Variants in TTC17 observed in about 807,000 individuals in gnomAD.
The protein encoded by TTC17 is tetratricopeptide repeat protein 17.
TTC17 carries 58 observed loss-of-function variants against 143.8 expected under a neutral mutation model. That is an observed-to-expected ratio of 0.40 (90% CI 0.33 to 0.50). The LOEUF is 0.50. Among genes scored for constraint, TTC17 ranks in the 20% least tolerant of loss-of-function variants. The probability of loss-of-function intolerance (pLI) is 0.49; values close to 1 mark genes in which losing one functional copy is unlikely to be tolerated. For missense variants in TTC17, 1,273 were observed against 1,392.5 expected, an observed-to-expected ratio of 0.91 and a Z score of 1.37; for synonymous variants, 501 against 497.8, an observed-to-expected ratio of 1.01 and a Z score of -0.09.
In TTC17 at chr11:43,404,164, C is replaced by T. The variant is rs755887857; in HGVS notation, c.1479+20C>T. 32 of 1,587,644 alleles carry T rather than the reference C, an allele frequency of 2.0e-5. No homozygotes were observed. The highest frequency in any genetic ancestry group is 1.1e-4 in the Admixed American group (6 of 54,392). On this transcript the variant is annotated intron_variant, in intron 11 of 23. Coordinates refer to ENST00000039989, the MANE Select transcript of TTC17 (RefSeq NM_018259.6). ...TATAGGGTAAGTTAATAGAGGATGA[C>T]GAAGCAGTTTTCTCAAACTGGCAAG...
At chr11:43,382,018 G>A (rs1378657578) in intron 2 of TTC17, among the ~76,000 whole-genome samples, 1 of 152,138 alleles carries the variant, frequency 6.6e-6, no homozygotes, top group Non-Finnish European at 1.5e-5. Flanking sequence ...AAAGATGCAG[G>A]CTCAAGATAG....
intron 21 of TTC17, among the ~76,000 whole-genome samples, chr11:43,477,051 A>G (rs934077425): frequency 3.9e-5 from 6 of 152,150 alleles, no homozygotes; most frequent in Non-Finnish European, 7.3e-5. Flanking sequence ...ACCCTAAATC[A>G]TCTCTCTCAA....
Position 43,405,779 on chromosome 11 carries a change from G to A in TTC17, c.1596-7G>A. 16 of 1,611,764 alleles carry A rather than the reference G, an allele frequency of 9.9e-6. No homozygotes were observed. Among genetic ancestry groups the A allele is most frequent in the Admixed American group, 1.7e-5 (1 of 59,366 alleles). On this transcript the variant is annotated splice_region_variant and splice_polypyrimidine_tract_variant and intron_variant, in intron 12 of 23. Transcript: ENST00000039989. The stretch of plus-strand genomic sequence containing the variant: ...AATATGAATCTTGTTCCTTTTTCTT[G>A]TGCCAGGATCCACGAACTCAGCAGT...
At chr11:43,401,305 C>A in intron 9 of TTC17, 141 bp from the exon 10 acceptor site, 2 of 507,248 alleles carry the variant, frequency 3.9e-6, no homozygotes, top group Non-Finnish European at 3.5e-6. Flanking sequence ...ATGAATATTT[C>A]TCTATATAAG....
At chr11:43,365,203 T>C (rs973625766) in intron 1 of TTC17, among the ~76,000 whole-genome samples, 1 of 152,110 alleles carries the variant, frequency 6.6e-6, no homozygotes, top group Non-Finnish European at 1.5e-5. Flanking sequence ...TAGGCTCAAG[T>C]GATCTTCCCA....
At chr11:43,471,201 G>A (rs1347847816) in intron 21 of TTC17, among the ~76,000 whole-genome samples, 1 of 152,174 alleles carries the variant, frequency 6.6e-6, no homozygotes, top group Non-Finnish European at 1.5e-5. Context: ...CATTGCCACT[G>A]CACCAGCTTG....
intron 15 of TTC17, among the ~76,000 whole-genome samples, chr11:43,410,648 T>G (rs994603163): frequency 6.6e-6 from 1 of 152,200 alleles, no homozygotes; most frequent in African/African-American, 2.4e-5. Flanking sequence ...TGCCCTGAAC[T>G]CCAGACTCCT....
intron 7 of TTC17, 73 bp from the exon 8 acceptor site, chr11:43,397,901 C>CGTGTGTGTGTGTGTGTGT: frequency 1.6e-6 from 2 of 1,252,094 alleles, no homozygotes; most frequent in South Asian, 1.7e-5. Flanking sequence ...TTTTTTTTTC[C>CGTGTGTGTGTGTGTGTGT]GTGTGTGTGT....
At chr11:43,459,533 G>C (rs554291487) in intron 21 of TTC17, among the ~76,000 whole-genome samples, 8 of 152,216 alleles carry the variant, frequency 5.3e-5, no homozygotes, top group Non-Finnish European at 1.2e-4. Flanking sequence ...CCACCAGAGA[G>C]AAGCCACACC....
chr11:43,462,089 T>TA (rs35082706), intron 21 of TTC17, among the ~76,000 whole-genome samples: 24,938 of 124,740 alleles, frequency 0.2, 2,367 homozygotes, highest in Admixed American at 0.32. Context: ...TAGGCTAGAT[T>TA]AAAAAAAAAA....
At chr11:43,405,980 G>C in intron 13 of TTC17, 29 bp downstream of exon 13, 1 of 1,602,498 alleles carries the variant, frequency 6.2e-7, no homozygotes, top group Non-Finnish European at 8.5e-7. Flanking sequence ...GGTATTTATT[G>C]CCGTCCATTC....
At chr11:43,476,367 G>T (rs1948184011) in intron 21 of TTC17, among the ~76,000 whole-genome samples, 1 of 152,250 alleles carries the variant, frequency 6.6e-6, no homozygotes, top group African/African-American at 2.4e-5. Context: ...TGAATGAAAT[G>T]CATCACCTAC....
intron 18 of TTC17, chr11:43,445,894 A>G (rs1947529657): frequency 1.1e-6 from 1 of 921,790 alleles, no homozygotes; most frequent in Admixed American, 2.0e-5. Context: ...AGAACTAATA[A>G]TAATGCTTAA....
chr11:43,406,355 T>C (rs941262593), intron 13 of TTC17, among the ~76,000 whole-genome samples: 2 of 152,152 alleles, frequency 1.3e-5, no homozygotes, highest in African/African-American at 2.4e-5. Flanking sequence ...AACCCTGCTG[T>C]GACCTTATAT....
chr11:43,458,877 A>T (rs1366958096), intron 21 of TTC17, among the ~76,000 whole-genome samples: 1 of 150,652 alleles, frequency 6.6e-6, no homozygotes. Flanking sequence ...GTTCTGTTTT[A>T]TTATTATTAA....
chr11:43,484,768 C>T lies in TTC17; in HGVS notation c.3031-5471C>T, dbSNP rs542832141. Among the ~76,000 whole-genome samples, 18 of 152,208 alleles carry T rather than the reference C, an allele frequency of 1.2e-4. No homozygotes were observed. In the South Asian group the frequency reaches 2.3e-3, roughly 19 times the overall value. On this transcript the variant is annotated intron_variant, in intron 21 of 23. Coordinates refer to ENST00000039989, the MANE Select transcript of TTC17 (RefSeq NM_018259.6). Reference sequence around the variant, plus strand: ...TAAATAGGAAGGCCAGAAATAGACTCGAATACAGGGGTCCAACTCCCAGGC... The same window carrying T: ...TAAATAGGAAGGCCAGAAATAGACTTGAATACAGGGGTCCAACTCCCAGGC...
chr11:43,397,621 G>T, intron 7 of TTC17, 130 bp downstream of exon 7: 1 of 1,096,550 alleles, frequency 9.1e-7, no homozygotes, highest in Non-Finnish European at 1.3e-6. Context: ...AATGAAATTA[G>T]GAGGAAGAAA....
intron 21 of TTC17, among the ~76,000 whole-genome samples, chr11:43,454,082 T>C (rs1261480483): frequency 6.6e-6 from 1 of 152,106 alleles, no homozygotes; most frequent in African/African-American, 2.4e-5. Context: ...GCTCTGAAAA[T>C]GTAGGTATAG....
At chr11:43,493,381 G>A (rs7937127) in intron 23 of TTC17, among the ~76,000 whole-genome samples, 23,150 of 152,162 alleles carry the variant, frequency 0.15, 1,819 homozygotes, top group Middle Eastern at 0.21. Context: ...GCACGGTTCT[G>A]GAGGTTTCTG....
Sources: allele counts gnomAD v4.1 joint callset (sites outside exome capture counted in the v4.1 genomes callset), GRCh38; gene constraint gnomAD v4.1.1; transcripts MANE v1.5; gene names NCBI Gene and HGNC (gene_info 2026-07-23, HGNC 2026-07-21).